Variants in ZNF783 observed in about 807,000 individuals in gnomAD.
The protein encoded by ZNF783 is protein ZNF783.
In ZNF783, 25 loss-of-function variants were observed where a neutral mutation model predicts 31.3. That is an observed-to-expected ratio of 0.80 (90% CI 0.58 to 1.11). The LOEUF (loss-of-function observed/expected upper bound fraction) is 1.11. ZNF783 is among the 50% of genes most tolerant of loss of function. The pLI, the probability that ZNF783 is intolerant of heterozygous loss-of-function variation, is 0.00. For synonymous variants in ZNF783, 369 were observed against 319.1 expected (o/e 1.16, Z -1.66); for missense variants, 797 against 760.0 (o/e 1.05, Z -0.57).
At chr7:149,274,333 T>C (rs1797275412) in intron 4 of ZNF783, among the ~76,000 whole-genome samples, 1 of 152,092 alleles carries the variant, frequency 6.6e-6, no homozygotes, top group African/African-American at 2.4e-5. Context: ...ACCATCCTTA[T>C]TCCAATATAT....
chr7:149,279,289 C>G (rs563175194), intron 5 of ZNF783, among the ~76,000 whole-genome samples: 1 of 152,358 alleles, frequency 6.6e-6, no homozygotes, highest in African/African-American at 2.4e-5. Context: ...GGTGGGAAGG[C>G]AATGTTCCTG....
At chr7:149,278,066 G>A in intron 4 of ZNF783, 1 of 829,368 alleles carries the variant, frequency 1.2e-6, no homozygotes, top group Non-Finnish European at 1.5e-6. Flanking sequence ...CCCGACTGCG[G>A]GAGGTGGTGA....
intron 4 of ZNF783, among the ~76,000 whole-genome samples, chr7:149,270,377 A>C (rs1350283535): frequency 6.6e-6 from 1 of 152,162 alleles, no homozygotes. Context: ...CAGTCCACCT[A>C]CTTTTGCCTC....
chr7:149,262,273 C>G lies in ZNF783; in HGVS notation c.-61C>G, dbSNP rs531004890. Reference sequence around the variant, plus strand: ...CTCCGCTTCCGCCGTCGCTGCCGCGCCGCCCCGGGCCCGACAGGCCGGGTC... The same window carrying G: ...CTCCGCTTCCGCCGTCGCTGCCGCGGCGCCCCGGGCCCGACAGGCCGGGTC... On this transcript the variant is annotated 5_prime_UTR_variant, in exon 1 of 6. Transcript: ENST00000434415. 25 of 1,314,994 alleles carry G rather than the reference C, an allele frequency of 1.9e-5. No homozygotes were observed. In the East Asian group the frequency reaches 8.0e-4, roughly 42 times the overall value. 81.5% of individuals were successfully genotyped at this position (1,314,994 alleles called of 1,614,324 possible).
At chr7:149,271,159 C>T (rs1250794044) in intron 4 of ZNF783, among the ~76,000 whole-genome samples, 2 of 152,184 alleles carry the variant, frequency 1.3e-5, no homozygotes, top group Non-Finnish European at 2.9e-5. Flanking sequence ...AAGATGGTCT[C>T]GATTTCCTGA....
At chr7:149,267,076 C>T (rs200696116) in intron 3 of ZNF783, 21 bp from the exon 4 acceptor site, 100 of 1,603,426 alleles carry the variant, frequency 6.2e-5, no homozygotes, top group Non-Finnish European at 7.6e-5. Context: ...AGCTCTTCCT[C>T]ATTTCTTGTT....
intron 4 of ZNF783, among the ~76,000 whole-genome samples, chr7:149,274,232 A>G (rs1797272413): frequency 6.6e-6 from 1 of 151,520 alleles, no homozygotes; most frequent in Admixed American, 6.6e-5. Flanking sequence ...ATCTATTTTG[A>G]TTTGATTTCT....
rs543579379 is a variant in ZNF783 at position 149,280,991 on chromosome 7, G to T, written c.803-514G>T. On this transcript the variant is annotated intron_variant, in intron 5 of 5. Transcript: ENST00000434415. Reference sequence around the variant, plus strand: ...GTGTAGTGGCAGACAGGTCGTGGACGCTCTGTGTGGATTTGTCATGTGGAT... The same window carrying T: ...GTGTAGTGGCAGACAGGTCGTGGACTCTCTGTGTGGATTTGTCATGTGGAT... Among the ~76,000 whole-genome samples, 8 of 152,346 alleles carry T rather than the reference G, an allele frequency of 5.3e-5. No homozygotes were observed. In the East Asian group the frequency reaches 1.4e-3, roughly 26 times the overall value.
chr7:149,276,505 G>C, intron 4 of ZNF783: 1 of 985,388 alleles, frequency 1.0e-6, no homozygotes, highest in African/African-American at 1.7e-5. Flanking sequence ...AAGGGGAATC[G>C]GTAGCAGTGT....
intron 4 of ZNF783, chr7:149,276,462 G>T: frequency 6.1e-6 from 6 of 985,824 alleles, no homozygotes; most frequent in Non-Finnish European, 7.2e-6. Flanking sequence ...TAGGGGCAGT[G>T]TAACCCGTTG....
intron 1 of ZNF783, among the ~76,000 whole-genome samples, chr7:149,262,953 C>G (rs967544845): frequency 6.6e-6 from 1 of 151,752 alleles, no homozygotes; most frequent in Non-Finnish European, 1.5e-5. Context: ...GAGAGGGAGT[C>G]TCGCTCTGTT....
chr7:149,270,031 T>C (rs550239609), intron 4 of ZNF783, among the ~76,000 whole-genome samples: 29 of 152,326 alleles, frequency 1.9e-4, no homozygotes, highest in African/African-American at 6.5e-4. Flanking sequence ...TAGTATTCCA[T>C]GGTGTATATG....
rs373747334 is a variant in ZNF783 at position 149,267,253 on chromosome 7, G to T, written c.673+31G>T. ...TATAGGAGCCAGATGTGGTTGGGGG[G>T]CCGCCAGGGGCTAGCTGCACCATCG... is the stretch of plus-strand genomic sequence containing the variant. On this transcript the variant is annotated intron_variant, in intron 4 of 5. Transcript: ENST00000434415. 5.2e-6 allele frequency: 8 copies of T among 1,551,524 alleles called. No homozygotes were observed. The African/African-American group carries it at 6.8e-5, about 13-fold the overall frequency.
At chr7:149,274,665 C>G (rs930351474) in intron 4 of ZNF783, among the ~76,000 whole-genome samples, 4 of 152,226 alleles carry the variant, frequency 2.6e-5, no homozygotes, top group Non-Finnish European at 4.4e-5. Context: ...CGCACCTGGC[C>G]TAATATGTGT....
chr7:149,274,152 G>A lies in ZNF783; in HGVS notation c.674-4247G>A, dbSNP rs150370689. 7.5e-3 allele frequency among the ~76,000 whole-genome samples: 1,145 copies of A among 152,230 alleles called. 8 individuals carry two copies. The highest frequency in any genetic ancestry group is 0.024 in the East Asian group (122 of 5,188). On this transcript the variant is annotated intron_variant, in intron 4 of 5. Coordinates refer to ENST00000434415, the MANE Select transcript of ZNF783 (RefSeq NM_001195220.2). ...TACTCGAATCTTTGCCCAGAACAAT[G>A]TCCTGGAGAGTTTCCCCAATGTTTT...
At position 149,282,058 on chromosome 7, in the gene ZNF783, G is replaced by A; in HGVS notation, c.1356G>A (p.Leu452=). The change falls in exon 6 of 6, where the codon CTG becomes CTA. Residue 452 remains leucine (L), a synonymous_variant. Transcript: ENST00000434415. The part of the protein sequence containing the change: ...LRFFQQRKSL[L]LHQRLHTGNG... ...TCTTCCAGCAGCGCAAGAGCCTGCT[G>A]CTGCACCAGCGCCTGCACACCGGCA... 1 of 1,594,792 alleles carries A rather than the reference G, an allele frequency of 6.3e-7. No individual in the cohort carries two copies. The highest frequency in any genetic ancestry group is 8.5e-7 in the Non-Finnish European group (1 of 1,178,226).
chr7:149,278,565 C>G (rs971633202), intron 5 of ZNF783, 38 bp downstream of exon 5: 1 of 1,597,904 alleles, frequency 6.3e-7, no homozygotes, highest in Non-Finnish European at 8.5e-7. Flanking sequence ...TGAACAGTGT[C>G]CCGAGGCAGC....
intron 4 of ZNF783, among the ~76,000 whole-genome samples, chr7:149,273,435 A>G (rs1563196902): frequency 1.3e-5 from 2 of 152,184 alleles, no homozygotes; most frequent in Non-Finnish European, 2.9e-5. Context: ...CTTTTGGATA[A>G]AAGACATCTT....
Position 149,283,784 on chromosome 7 carries a change from C to G in ZNF783, c.*1441C>G, listed in dbSNP as rs987362790. 6.6e-6 allele frequency: 1 copy of G among 152,254 alleles called. No homozygotes were observed. The highest frequency in any genetic ancestry group is 1.5e-5 in the Non-Finnish European group (1 of 68,060). 9.4% of individuals were successfully genotyped at this position (152,254 alleles called of 1,614,324 possible). A position where few individuals can be genotyped will look rare whatever the true frequency, so the allele number is the denominator to read the frequency against. ...CCAGTGTGTCCTACCTCAGAGTTGTCAGGGTCAAAGTAACAGGCACTGGGA... is the reference window on the plus strand; with the variant it reads ...CCAGTGTGTCCTACCTCAGAGTTGTGAGGGTCAAAGTAACAGGCACTGGGA... On this transcript the variant is annotated 3_prime_UTR_variant, in exon 6 of 6. Coordinates refer to ENST00000434415, the MANE Select transcript of ZNF783 (RefSeq NM_001195220.2).
Sources: gnomAD v4.1 joint callset for allele counts (sites outside exome capture counted in the v4.1 genomes callset) on GRCh38, gnomAD v4.1.1 for gene constraint, MANE v1.5 for transcripts, NCBI Gene and HGNC (gene_info 2026-07-23, HGNC 2026-07-21) for gene names.